Variants in MAB21L3 observed in about 807,000 individuals in gnomAD.
MAB21L3 encodes the protein protein mab-21-like 3.
A neutral mutation model predicts 37.7 loss-of-function variants in MAB21L3; 36 were observed. The observed-to-expected ratio is 0.96, with a 90% CI of 0.73 to 1.26. MAB21L3 has a LOEUF of 1.26. MAB21L3 is among the 50% of genes most tolerant of loss of function. MAB21L3 has a pLI of 0.00. For missense variants in MAB21L3, 430 were observed against 447.3 expected (o/e 0.96, Z 0.35); for synonymous variants, 186 against 176.8 (o/e 1.05, Z -0.41).
intron 6 of MAB21L3, among the ~76,000 whole-genome samples, chr1:116,127,846 G>C (rs1436837222): frequency 6.6e-6 from 1 of 152,216 alleles, no homozygotes; most frequent in East Asian, 1.9e-4. Flanking sequence ...TGGACCTGCT[G>C]AATGAGACCC....
chr1:116,116,287 C>T (rs573564811), intron 3 of MAB21L3, among the ~76,000 whole-genome samples: 85 of 152,194 alleles, frequency 5.6e-4, no homozygotes, highest in Middle Eastern at 3.4e-3. Flanking sequence ...CCAAATAGCA[C>T]GGTGATGCTG....
chr1:116,116,184 G>A lies in MAB21L3; in HGVS notation c.48+3521G>A, dbSNP rs1026432598. On this transcript the variant is annotated intron_variant, in intron 3 of 7. Coordinates refer to ENST00000369500, the MANE Select transcript of MAB21L3 (RefSeq NM_152367.3). Reference sequence around the variant, plus strand: ...TGGCCAGAATAAGTGGAGAGAAACAGTCTGGGGGTTCTGTGTTGTCACACC... The same window carrying A: ...TGGCCAGAATAAGTGGAGAGAAACAATCTGGGGGTTCTGTGTTGTCACACC... 3.9e-5 allele frequency among the ~76,000 whole-genome samples: 6 copies of A among 152,284 alleles called. No individual in the cohort carries two copies. The South Asian group carries it at 6.2e-4, about 16-fold the overall frequency.
At position 116,127,571 on chromosome 1, in the gene MAB21L3, C is replaced by T. The variant is rs1418197412; in HGVS notation, c.587C>T (p.Thr196Ile). 6.2e-7 allele frequency: 1 copy of T among 1,614,090 alleles called. No homozygotes were observed. The highest frequency in any genetic ancestry group is 2.2e-5 in the East Asian group (1 of 44,898). ...ELVPAVEIPT[T>I]WSKKARWPRC... is the part of the protein sequence containing the mutation. ...GTCCCCGCAGTGGAGATCCCCACCA[C>T]CTGGTCCAAGAAAGCCCGGTGGCCT... Residue 196 changes from threonine to isoleucine, a missense_variant, in exon 6 of 8, where the codon ACC becomes ATC. Physicochemically the swap from Thr to Ile is moderately conservative, Grantham distance 89 (BLOSUM62 -1). Coordinates refer to ENST00000369500, the MANE Select transcript of MAB21L3 (RefSeq NM_152367.3).
rs1177569633 is a variant in MAB21L3, at chr1:116,128,357, T to A, written c.855+18T>A. On this transcript the variant is annotated intron_variant, in intron 7 of 7. Transcript: ENST00000369500. ...ATCTGCAGGTGAGTGTGGGGCAGGT[T>A]GGAGAAGACCCAGGGGCAGCTTTGG... is the stretch of plus-strand genomic sequence containing the variant. 1.3e-6 allele frequency: 2 copies of A among 1,596,918 alleles called. No homozygotes were observed. The highest frequency in any genetic ancestry group is 2.3e-5 in the South Asian group (2 of 88,760).
intron 3 of MAB21L3, among the ~76,000 whole-genome samples, chr1:116,117,175 A>ATATATATG (rs1304499536): frequency 1.4e-5 from 2 of 144,516 alleles, no homozygotes; most frequent in African/African-American, 5.1e-5. Context: ...ATATATATAT[A>ATATATATG]TATATATATA....
chr1:116,114,784 A>C (rs1289591071), intron 3 of MAB21L3, among the ~76,000 whole-genome samples: 1 of 152,256 alleles, frequency 6.6e-6, no homozygotes, highest in African/African-American at 2.4e-5. Flanking sequence ...GGTAGACCGT[A>C]AGGGATGCAG....
chr1:116,133,298 C>A lies in MAB21L3; in HGVS notation c.1022C>A (p.Thr341Asn), dbSNP rs1334844662. Residue 341 changes from threonine to asparagine, a missense_variant, in exon 8 of 8, where the codon ACT (threonine) becomes AAT (asparagine). By Grantham distance (65) the Thr-to-Asn change is moderately conservative. Coordinates refer to ENST00000369500, the MANE Select transcript of MAB21L3 (RefSeq NM_152367.3). Reference protein sequence around the residue: ...NSNLFQCTNPTELDTVAQKLA... With the variant: ...NSNLFQCTNPNELDTVAQKLA... ...AACCTCTTTCAGTGCACCAACCCGA[C>A]TGAACTGGACACTGTGGCCCAAAAG... 15 of 1,614,108 alleles carry A rather than the reference C, an allele frequency of 9.3e-6. No homozygotes were observed. The highest frequency in any genetic ancestry group is 9.3e-6 in the Non-Finnish European group (11 of 1,180,042).
intron 2 of MAB21L3, 138 bp from the exon 3 acceptor site, chr1:116,112,269 T>C: frequency 4.4e-6 from 1 of 225,496 alleles, no homozygotes; most frequent in Non-Finnish European, 9.0e-6. Context: ...AGTACTTGGG[T>C]GGGAAATACA....
At chr1:116,123,236 G>T (rs776049132) in intron 4 of MAB21L3, among the ~76,000 whole-genome samples, 1 of 152,180 alleles carries the variant, frequency 6.6e-6, no homozygotes, top group Admixed American at 6.5e-5. Flanking sequence ...CCCAGTCGTT[G>T]CTTCACTGGT....
rs886564306 is a variant in MAB21L3 at position 116,128,279 on chromosome 1, C to T, written c.795C>T (p.His265=). ...GGAAGTGTTTTCAGGTCATGAGGCA[C>T]CTGAAGGAGGACATCTGGTGCCCAG... ...CRRKCFQVMR[H]LKEDIWCPGN... The change falls in exon 7 of 8, where the codon CAC becomes CAT. Residue 265 remains histidine (H), a synonymous_variant. Transcript: ENST00000369500. 1.2e-6 allele frequency: 2 copies of T among 1,614,004 alleles called. No homozygotes were observed. Among genetic ancestry groups the T allele is most frequent in the Non-Finnish European group, 1.7e-6 (2 of 1,180,012 alleles).
In MAB21L3 at chr1:116,128,128, T is replaced by C; in HGVS notation, c.661-17T>C. 6.2e-7 allele frequency: 1 copy of C among 1,603,000 alleles called. No homozygotes were observed. The highest frequency in any genetic ancestry group is 1.1e-5 in the South Asian group (1 of 89,416). On this transcript the variant is annotated splice_polypyrimidine_tract_variant and intron_variant, in intron 6 of 7. Coordinates refer to ENST00000369500, the MANE Select transcript of MAB21L3 (RefSeq NM_152367.3). ...CATTGTTCTTCTTATTTCCCAATAT[T>C]TTTCTCTTTCTTCCAGTCGTTTGGA...
At chr1:116,126,260 A>C (rs1427224327) in intron 5 of MAB21L3, among the ~76,000 whole-genome samples, 3 of 152,260 alleles carry the variant, frequency 2.0e-5, no homozygotes, top group Non-Finnish European at 2.9e-5. Flanking sequence ...ATGAAGGCAA[A>C]CAAACAAAAA....
intron 7 of MAB21L3, among the ~76,000 whole-genome samples, chr1:116,128,793 C>G (rs1311838059): frequency 1.3e-5 from 2 of 152,326 alleles, no homozygotes; most frequent in South Asian, 2.1e-4. Flanking sequence ...CTCATGCACA[C>G]AGACCCACTA....
intron 7 of MAB21L3, among the ~76,000 whole-genome samples, chr1:116,132,048 G>T (rs1249285369): frequency 6.6e-6 from 1 of 152,194 alleles, no homozygotes; most frequent in East Asian, 1.9e-4. Context: ...TCAGGTTTGT[G>T]CAGGAAGAGC....
chr1:116,120,337 A>G (rs534427769), intron 3 of MAB21L3, among the ~76,000 whole-genome samples: 6 of 151,346 alleles, frequency 4.0e-5, no homozygotes, highest in African/African-American at 1.5e-4. Flanking sequence ...CTGCCCCTTT[A>G]TTCTCTAGTC....
At chr1:116,119,824 C>T (rs988043275) in intron 3 of MAB21L3, among the ~76,000 whole-genome samples, 1 of 152,096 alleles carries the variant, frequency 6.6e-6, no homozygotes, top group Non-Finnish European at 1.5e-5. Flanking sequence ...CATCTATTTC[C>T]CTAAACTTTA....
rs1257413491 is a variant in MAB21L3 at position 116,136,727 on chromosome 1, C to G, written c.*3362C>G. On this transcript the variant is annotated 3_prime_UTR_variant, in exon 8 of 8. Transcript: ENST00000369500. ...TCACACTACCTGACTTCAAACTATA[C>G]TACAAGGCTACAGTAACCAAAACAG... Among the ~76,000 whole-genome samples, 5 of 152,104 alleles carry G rather than the reference C, an allele frequency of 3.3e-5. No homozygotes were observed. Among genetic ancestry groups the G allele is most frequent in the Non-Finnish European group, 5.9e-5 (4 of 68,000 alleles).
rs1465334509 is a variant in MAB21L3, at chr1:116,121,035, C to T, written c.152C>T (p.Ala51Val). Residue 51 changes from alanine to valine, a missense_variant, in exon 4 of 8, where the codon GCT becomes GTT. Physicochemically the swap from Ala to Val is moderately conservative, Grantham distance 64. Transcript: ENST00000369500. ...AGCAACCAAGACATTAGATTTCAAGCTGTGCCTTACTCTGACACGTACAAT... is the reference window on the plus strand; with the variant it reads ...AGCAACCAAGACATTAGATTTCAAGTTGTGCCTTACTCTGACACGTACAAT... ...NISNQDIRFQ[A>V]VPYSDTYNEN... 6 of 1,613,984 alleles carry T rather than the reference C, an allele frequency of 3.7e-6. No individual in the cohort carries two copies. The highest frequency in any genetic ancestry group is 4.2e-6 in the Non-Finnish European group (5 of 1,179,990).
chr1:116,126,107 C>T (rs1473223929), intron 5 of MAB21L3, among the ~76,000 whole-genome samples: 2 of 152,182 alleles, frequency 1.3e-5, no homozygotes, highest in Non-Finnish European at 2.9e-5. Flanking sequence ...TTTTGAACAG[C>T]CTAACACAAT....
Sources: gnomAD v4.1 joint callset for allele counts (sites outside exome capture counted in the v4.1 genomes callset) on GRCh38, gnomAD v4.1.1 for gene constraint, MANE v1.5 for transcripts, NCBI Gene and HGNC (gene_info 2026-07-23, HGNC 2026-07-21) for gene names.